PXDN: variants seen among roughly 807,000 people sequenced by gnomAD.
The protein encoded by PXDN is peroxidasin.
Under a neutral mutation model 140.3 loss-of-function variants are expected in PXDN, and 77 were observed. The observed-to-expected ratio is 0.55, with a 90% CI of 0.46 to 0.66. The LOEUF (loss-of-function observed/expected upper bound fraction) is 0.66, where lower values mean the gene tolerates loss of function less well. Among genes scored for constraint, PXDN ranks in the 30% least tolerant of loss-of-function variants. PXDN has a pLI of 0.00. For synonymous variants in PXDN, 911 were observed against 857.4 expected (o/e 1.06, Z -1.09); for missense variants, 1,838 against 2,039.5 (o/e 0.90, Z 1.90).
At chr2:1,708,493 A>G (rs747511179) in intron 1 of PXDN, among the ~76,000 whole-genome samples, 4 of 152,200 alleles carry the variant, frequency 2.6e-5, no homozygotes, top group Admixed American at 6.5e-5. Context: ...GACAAAAGTC[A>G]TAAGAAGCCC....
At chr2:1,696,730 G>A (rs1359524163) in intron 1 of PXDN, among the ~76,000 whole-genome samples, 4 of 152,108 alleles carry the variant, frequency 2.6e-5, no homozygotes, top group Admixed American at 6.6e-5. Flanking sequence ...AAACCGGACC[G>A]TGTGTTTGGG....
rs994379062 is a variant in PXDN, at chr2:1,694,444, T to C, written c.201-1310A>G. 5.3e-5 allele frequency among the ~76,000 whole-genome samples: 8 copies of C among 152,200 alleles called. 1 individual carries two copies. Among genetic ancestry groups the C allele is most frequent in the African/African-American group, 1.9e-4 (8 of 41,450 alleles). On this transcript the variant is annotated intron_variant, in intron 1 of 22. Coordinates refer to ENST00000252804, the MANE Select transcript of PXDN (RefSeq NM_012293.3). ...AGCCTAGATGTCAGTGAATGAAATGTGTCCCTCCCAGCGCCGCCCCTGTGC... is the reference window on the plus strand; with the variant it reads ...AGCCTAGATGTCAGTGAATGAAATGCGTCCCTCCCAGCGCCGCCCCTGTGC...
At chr2:1,673,855 A>G (rs1683635159) in intron 8 of PXDN, 43 bp from the exon 9 acceptor site, 8 of 1,603,580 alleles carry the variant, frequency 5.0e-6, no homozygotes, top group Admixed American at 1.7e-5. Context: ...TTGAAAGCAC[A>G]AAGACGTACC....
rs7568747 is a variant in PXDN, at chr2:1,707,345, A to T, written c.201-14211T>A. Among the ~76,000 whole-genome samples, 28 of 13,384 alleles carry T rather than the reference A, an allele frequency of 2.1e-3. 8 individuals carry two copies. The highest frequency in any genetic ancestry group is 4.8e-3 in the Admixed American group (6 of 1,238). The allele number at this position is 13,384 out of a possible 152,430, so 8.8% of individuals were successfully genotyped here. ...TCTAAACATCACCTGCCCCACTAAT[A>T]ATACAAACTGAGAGCACGCTGCAGT... is the stretch of plus-strand genomic sequence containing the variant. On this transcript the variant is annotated intron_variant, in intron 1 of 22. Coordinates refer to ENST00000252804, the MANE Select transcript of PXDN (RefSeq NM_012293.3).
In PXDN at chr2:1,665,018, C is replaced by T. The variant is rs772042816; in HGVS notation, c.1348G>A (p.Val450Met). 21 of 1,596,756 alleles carry T rather than the reference C, an allele frequency of 1.3e-5. No individual in the cohort carries two copies. Among genetic ancestry groups the T allele is most frequent in the African/African-American group, 6.7e-5 (5 of 74,170 alleles). Residue 450 changes from valine (V) to methionine (M), a missense_variant, in exon 11 of 23, where the codon GTG becomes ATG. Val to Met is a conservative substitution (Grantham distance 21). This residue lies in a region of PXDN where 537 missense variants were observed against 583.9 expected (regional missense o/e 0.92). Transcript: ENST00000252804. The stretch of plus-strand genomic sequence containing the variant: ...CCCTTGGCTTCACACTGGAAATCCA[C>T]GGTCTGGCCCTCAATAACGACTCTG... The part of the protein sequence containing the change: ...QDRVVIEGQT[V>M]DFQCEAKGNP...
chr2:1,649,396 G>A lies in PXDN; in HGVS notation c.2384C>T (p.Pro795Leu), dbSNP rs772922685. 3 of 1,613,830 alleles carry A rather than the reference G, an allele frequency of 1.9e-6. No homozygotes were observed. Among genetic ancestry groups the A allele is most frequent in the Non-Finnish European group, 8.5e-7 (1 of 1,179,884 alleles). Residue 795 changes from proline (P) to leucine (L), a missense_variant, in exon 17 of 23, where the codon CCG becomes CTG. By Grantham distance (98) the Pro-to-Leu change is moderately conservative (BLOSUM62 -3). Transcript: ENST00000252804. The surrounding 1 kb of genome is among the most constrained non-coding windows in gnomAD (Gnocchi z 7.1). ...GATCAGGGTGGTGGACACCAGGCGC[G>A]GCATGGGAAGGGCGTGCCCGTTGTA... ...RLYNGHALPM[P>L]RLVSTTLIGT...
chr2:1,731,601 T>C (rs1239412910), intron 1 of PXDN, among the ~76,000 whole-genome samples: 1 of 152,196 alleles, frequency 6.6e-6, no homozygotes, highest in African/African-American at 2.4e-5. Context: ...ACTAAACAGC[T>C]TGGCTTGTGA....
chr2:1,642,812 G>A (rs1053858251), intron 19 of PXDN, among the ~76,000 whole-genome samples: 2 of 152,356 alleles, frequency 1.3e-5, no homozygotes, highest in Non-Finnish European at 1.5e-5. Flanking sequence ...GGGCACGAGT[G>A]CCGGGGCTGT....
chr2:1,711,013 TCTCCACCAGCACCCA>T (rs1684758340), intron 1 of PXDN, among the ~76,000 whole-genome samples: 1 of 37,088 alleles, frequency 2.7e-5, no homozygotes, highest in African/African-American at 9.5e-5. Flanking sequence ...CAGCACCCAC[TCTCCACCAGCACCCA>T]CTCCACCAGC....
intron 14 of PXDN, among the ~76,000 whole-genome samples, chr2:1,655,982 CCAT>C (rs1198474164): frequency 2.0e-5 from 3 of 151,762 alleles, no homozygotes; most frequent in Admixed American, 2.0e-4. Flanking sequence ...CGCACATAGC[CCAT>C]CAAACATATA....
intron 1 of PXDN, among the ~76,000 whole-genome samples, chr2:1,730,707 C>T (rs1165502487): frequency 6.6e-6 from 1 of 152,130 alleles, no homozygotes; most frequent in African/African-American, 2.4e-5. Flanking sequence ...TCTAAGCCTC[C>T]ACTGGTGACC....
intron 22 of PXDN, 114 bp downstream of exon 22, chr2:1,635,294 G>A: frequency 1.2e-6 from 1 of 850,662 alleles, no homozygotes. Context: ...GGCCAGCACA[G>A]GTAGGCGGGG....
chr2:1,679,803 A>G (rs1339601230), intron 7 of PXDN, among the ~76,000 whole-genome samples: 1 of 122,182 alleles, frequency 8.2e-6, no homozygotes, highest in African/African-American at 3.4e-5. Flanking sequence ...GGTGTGTGTA[A>G]ATGGTGTGTG....
intron 9 of PXDN, among the ~76,000 whole-genome samples, chr2:1,669,086 G>GT (rs1683514682): frequency 6.6e-6 from 1 of 152,124 alleles, no homozygotes; most frequent in Non-Finnish European, 1.5e-5. Context: ...TAAAGAAAAC[G>GT]TAGCACATAC....
intron 3 of PXDN, among the ~76,000 whole-genome samples, chr2:1,688,046 T>C (rs1684101395): frequency 6.6e-6 from 1 of 152,236 alleles, no homozygotes; most frequent in African/African-American, 2.4e-5. Flanking sequence ...CAGGCATGTA[T>C]AATGCATTGG....
intron 7 of PXDN, among the ~76,000 whole-genome samples, chr2:1,677,998 C>G (rs545515971): frequency 1.7e-4 from 26 of 152,312 alleles, no homozygotes; most frequent in African/African-American, 6.0e-4. Flanking sequence ...CCAAGGCCCT[C>G]GACCCAACTT....
In PXDN at chr2:1,666,372, C is replaced by A. The variant is rs1173248098; in HGVS notation, c.1133G>T (p.Gly378Val). 2 of 1,614,010 alleles carry A rather than the reference C, an allele frequency of 1.2e-6. No individual in the cohort carries two copies. The highest frequency in any genetic ancestry group is 1.7e-6 in the Non-Finnish European group (2 of 1,179,894). ...GTCAACTGGCAAGGGTGTGCGGTCA[C>A]CTCTCGTCCAGGAGATCCGCGGCGG... is the stretch of plus-strand genomic sequence containing the variant. Reference protein sequence around the residue: ...HPPPRISWTRGDRTPLPVDPR... With the variant: ...HPPPRISWTRVDRTPLPVDPR... The change falls in exon 10 of 23, where the codon GGT (glycine) becomes GTT (valine). Residue 378 changes from glycine to valine, a missense_variant. Around this residue, in one of 5 missense-constraint regions of PXDN, gnomAD observed 208 missense variants for 325.8 expected, o/e 0.64. Transcript: ENST00000252804.
intron 21 of PXDN, chr2:1,636,085 C>T (rs1682551759): frequency 4.8e-6 from 1 of 209,122 alleles, no homozygotes; most frequent in Non-Finnish European, 9.6e-6. Flanking sequence ...CATGAGGTGA[C>T]CTTGGGAAGA....
At position 1,649,145 on chromosome 2, in the gene PXDN, C is replaced by A. The variant is rs765506698; in HGVS notation, c.2635G>T (p.Val879Leu). ...CTGCCGCACACAGGGCTGGAGCGCA[C>A]GAAGAACATGCAGCGGGCCCCGCTC... ...ARSGARCMFF[V>L]RSSPVCGSGM... is the part of the protein sequence containing the mutation. Residue 879 changes from valine to leucine, a missense_variant, in exon 17 of 23, where the codon GTG becomes TTG. Around this residue, in one of 5 missense-constraint regions of PXDN, gnomAD observed 850 missense variants for 894.1 expected, o/e 0.95. Transcript: ENST00000252804. This position sits in a 1 kb window ranked among gnomAD's most constrained non-coding sequence, Gnocchi z 7.1. 6.2e-7 allele frequency: 1 copy of A among 1,612,464 alleles called. No individual in the cohort carries two copies. The highest frequency in any genetic ancestry group is 8.5e-7 in the Non-Finnish European group (1 of 1,179,814).
Sources: gnomAD v4.1 joint callset for allele counts (sites outside exome capture counted in the v4.1 genomes callset) on GRCh38, gnomAD v4.1.1 for gene constraint, gnomAD v4.1.1 regional missense constraint, Gnocchi (gnomAD v3.1) non-coding constraint, MANE v1.5 for transcripts, NCBI Gene and HGNC (gene_info 2026-07-23, HGNC 2026-07-21) for gene names.